The following KIF13B variants were observed in gnomAD, a reference collection of about 807,000 sequenced individuals.
The protein encoded by KIF13B is kinesin family member 13B.
KIF13B carries 127 observed loss-of-function variants against 222.0 expected under a neutral mutation model. That is an observed-to-expected ratio of 0.57 (90% CI 0.50 to 0.66). The LOEUF (loss-of-function observed/expected upper bound fraction) is 0.66. KIF13B is among the 30% of genes least tolerant of loss of function. KIF13B has a pLI of 0.00. For synonymous variants in KIF13B, 976 were observed against 919.0 expected (o/e 1.06, Z -1.12); for missense variants, 2,173 against 2,379.0 (o/e 0.91, Z 1.80).
chr8:29,200,141 C>G (rs1409891049), intron 2 of KIF13B, among the ~76,000 whole-genome samples: 3 of 152,140 alleles, frequency 2.0e-5, no homozygotes, highest in African/African-American at 7.2e-5. Flanking sequence ...GCTAAGTTTG[C>G]AGCTAGGGAT....
chr8:29,154,994 C>G (rs1277087838), intron 14 of KIF13B, among the ~76,000 whole-genome samples: 1 of 152,180 alleles, frequency 6.6e-6, no homozygotes, highest in Non-Finnish European at 1.5e-5. Context: ...CTAACAGTTA[C>G]AGACTGTTAT....
intron 21 of KIF13B, among the ~76,000 whole-genome samples, chr8:29,134,580 T>C (rs1563729712): frequency 2.0e-5 from 3 of 152,156 alleles, no homozygotes; most frequent in Admixed American, 6.5e-5. Context: ...GGATATGCCA[T>C]AGAACAGAAC....
intron 37 of KIF13B, among the ~76,000 whole-genome samples, chr8:29,080,525 A>G (rs971694254): frequency 2.6e-5 from 4 of 152,156 alleles, no homozygotes; most frequent in Non-Finnish European, 5.9e-5. Context: ...TGAGGCCTTC[A>G]GTGACCACCC....
At chr8:29,226,516 G>T (rs1815032375) in intron 2 of KIF13B, among the ~76,000 whole-genome samples, 1 of 152,040 alleles carries the variant, frequency 6.6e-6, no homozygotes, top group African/African-American at 2.4e-5. Flanking sequence ...AAAGCCCATG[G>T]GTGTCCGCTC....
At chr8:29,262,922 G>A (rs1430420070) in intron 1 of KIF13B, 58 bp downstream of exon 1, 3 of 1,437,104 alleles carry the variant, frequency 2.1e-6, no homozygotes, top group Non-Finnish European at 2.8e-6. Flanking sequence ...GCCGAGGGAA[G>A]GGCGCGCCAG....
intron 37 of KIF13B, among the ~76,000 whole-genome samples, chr8:29,083,478 C>T (rs1289125216): frequency 6.6e-6 from 1 of 152,334 alleles, no homozygotes; most frequent in East Asian, 1.9e-4. Context: ...GACTTCTTTA[C>T]TGCCTCAGAA....
intron 35 of KIF13B, among the ~76,000 whole-genome samples, chr8:29,100,686 G>A (rs1202778130): frequency 6.6e-6 from 1 of 152,166 alleles, no homozygotes; most frequent in Non-Finnish European, 1.5e-5. Context: ...CTGACCTCAG[G>A]TGATCCGCCC....
intron 1 of KIF13B, among the ~76,000 whole-genome samples, chr8:29,257,067 T>G (rs565780717): frequency 1.8e-4 from 28 of 152,276 alleles, no homozygotes; most frequent in African/African-American, 6.7e-4. Context: ...CAATTCCTTT[T>G]CAAAGTCTGG....
intron 2 of KIF13B, among the ~76,000 whole-genome samples, chr8:29,208,660 C>T (rs1814067980): frequency 6.6e-6 from 1 of 152,170 alleles, no homozygotes; most frequent in Admixed American, 6.5e-5. Flanking sequence ...ACGGGCAGAC[C>T]ACGTACAACC....
intron 37 of KIF13B, among the ~76,000 whole-genome samples, chr8:29,083,491 CCT>C (rs951276659): frequency 6.6e-6 from 1 of 152,182 alleles, no homozygotes; most frequent in African/African-American, 2.4e-5. Context: ...CCTCAGAAAT[CCT>C]CTTACTTGCT....
intron 2 of KIF13B, among the ~76,000 whole-genome samples, chr8:29,218,066 C>T (rs943240268): frequency 6.6e-6 from 1 of 152,108 alleles, no homozygotes; most frequent in South Asian, 2.1e-4. Flanking sequence ...ATATAAGCAC[C>T]GTTACACTGT....
intron 35 of KIF13B, 59 bp from the exon 36 acceptor site, chr8:29,099,300 A>G (rs1808684232): frequency 1.7e-6 from 2 of 1,177,916 alleles, no homozygotes; most frequent in South Asian, 2.7e-5. Context: ...AAACAAAAAA[A>G]AATTACAGAT....
In KIF13B at chr8:29,071,941, C is replaced by T; in HGVS notation, c.4897G>A (p.Glu1633Lys). Residue 1633 changes from glutamate to lysine, a missense_variant, in exon 39 of 40, where the codon GAG becomes AAG. Glu to Lys is a moderately conservative substitution (Grantham distance 56, BLOSUM62 1). This residue lies in a region of KIF13B where 693 missense variants were observed against 656.2 expected (regional missense o/e 1.06). Coordinates refer to ENST00000524189, the MANE Select transcript of KIF13B (RefSeq NM_015254.4). The surrounding 1 kb of genome is among the most constrained non-coding windows in gnomAD (Gnocchi z 4.9). ...GCCGGGGCCTCGAGGTCGGGGCGCTCCCGACCGGGGCTCACGAGCTGCTGG... is the reference window on the plus strand; with the variant it reads ...GCCGGGGCCTCGAGGTCGGGGCGCTTCCGACCGGGGCTCACGAGCTGCTGG... ...GPQQLVSPGR[E>K]RPDLEAPAPG... is the part of the protein sequence containing the mutation. The T allele has an allele frequency of 1.4e-6, 2 of 1,392,786 alleles. No individual in the cohort carries two copies. Among genetic ancestry groups the T allele is most frequent in the South Asian group, 1.5e-5 (1 of 66,664 alleles). The allele number at this position is 1,392,786 out of a possible 1,614,324, so 86.3% of individuals were successfully genotyped here.
intron 6 of KIF13B, among the ~76,000 whole-genome samples, chr8:29,184,206 C>T (rs549596793): frequency 6.6e-6 from 1 of 151,536 alleles, no homozygotes; most frequent in East Asian, 1.9e-4. Context: ...ATACTAGATG[C>T]TGAATTAATA....
At chr8:29,099,002 G>C (rs1808668488) in intron 36 of KIF13B, 131 bp downstream of exon 36, 1 of 758,344 alleles carries the variant, frequency 1.3e-6, no homozygotes, top group Non-Finnish European at 2.3e-6. Context: ...AACCTGTTAA[G>C]AGGAGAAATG....
At position 29,099,260 on chromosome 8, in the gene KIF13B, G is replaced by C. The variant is rs759867935; in HGVS notation, c.4216-19C>G. On this transcript the variant is annotated intron_variant, in intron 35 of 39. Coordinates refer to ENST00000524189, the MANE Select transcript of KIF13B (RefSeq NM_015254.4). ...ACCGGCCCTAGTAAAGACAAAATTG[G>C]CAATTTTGTTTCAAGTTATTCAATT... is the stretch of plus-strand genomic sequence containing the variant. The C allele has an allele frequency of 7.1e-6, 11 of 1,546,928 alleles. No homozygotes were observed. The highest frequency in any genetic ancestry group is 1.4e-5 in the African/African-American group (1 of 72,182).
chr8:29,252,077 G>A (rs1398843300), intron 1 of KIF13B, among the ~76,000 whole-genome samples: 1 of 151,438 alleles, frequency 6.6e-6, no homozygotes, highest in African/African-American at 2.4e-5. Flanking sequence ...AGGAAGGGGA[G>A]GAAGGAAAAA....
At chr8:29,192,158 A>G (rs948171165) in intron 3 of KIF13B, among the ~76,000 whole-genome samples, 3 of 152,134 alleles carry the variant, frequency 2.0e-5, no homozygotes, top group Non-Finnish European at 2.9e-5. Flanking sequence ...ATCCCTTCCT[A>G]TTAACACAGA....
At chr8:29,201,325 G>A (rs1813682768) in intron 2 of KIF13B, among the ~76,000 whole-genome samples, 1 of 152,136 alleles carries the variant, frequency 6.6e-6, no homozygotes, top group South Asian at 2.1e-4. Context: ...TTACTGATCT[G>A]GCTTGTGGGC....
Sources: gnomAD v4.1 joint callset for allele counts (sites outside exome capture counted in the v4.1 genomes callset) on GRCh38, gnomAD v4.1.1 for gene constraint, gnomAD v4.1.1 regional missense constraint, Gnocchi (gnomAD v3.1) non-coding constraint, MANE v1.5 for transcripts, NCBI Gene and HGNC (gene_info 2026-07-23, HGNC 2026-07-21) for gene names.